The following RBFOX3 variants were observed in gnomAD, a reference collection of about 807,000 sequenced individuals.
The protein encoded by RBFOX3 is RNA binding protein fox-1 homolog 3.
In RBFOX3, 17 loss-of-function variants were observed where a neutral mutation model predicts 48.7. The ratio of observed to expected loss-of-function variants is 0.35; its 90% CI spans 0.24 to 0.52. The LOEUF is 0.52. Ranked by LOEUF, RBFOX3 falls within the 20% of genes least tolerant of loss-of-function variation. The pLI is 0.94. For missense variants in RBFOX3, 382 were observed against 497.5 expected, an observed-to-expected ratio of 0.77 and a Z score of 2.21; for synonymous variants, 212 against 209.5, an observed-to-expected ratio of 1.01 and a Z score of -0.10.
rs1311235767 is a variant in RBFOX3 at position 79,473,426 on chromosome 17, C to T, written c.-175+9028G>A. ...ACGATGATTCATATATATTTTGGGA[C>T]GAGAACCTCGGGTAAGATAACCTGC... is the stretch of plus-strand genomic sequence containing the variant. On this transcript the variant is annotated intron_variant, in intron 2 of 14. Transcript: ENST00000693108. This position sits in a 1 kb window ranked among gnomAD's most constrained non-coding sequence, Gnocchi z 4.2. Among the ~76,000 whole-genome samples, 4 of 152,304 alleles carry T rather than the reference C, an allele frequency of 2.6e-5. No individual in the cohort carries two copies. The highest frequency in any genetic ancestry group is 2.1e-4 in the South Asian group (1 of 4,822).
chr17:79,424,451 G>A (rs113359808), intron 2 of RBFOX3, among the ~76,000 whole-genome samples: 7,188 of 152,222 alleles, frequency 0.047, 202 homozygotes, highest in South Asian at 0.079. Context: ...CGCTCCCCCC[G>A]CAACTGAGCT....
At chr17:79,160,220 G>T (rs1189156472) in intron 4 of RBFOX3, among the ~76,000 whole-genome samples, 2 of 148,596 alleles carry the variant, frequency 1.3e-5, no homozygotes, top group African/African-American at 5.2e-5. Context: ...CCTCCCAGAC[G>T]TGGGGCGATG....
chr17:79,620,761 C>T, the RBFOX3 span, among the ~76,000 whole-genome samples: 1 of 152,194 alleles, frequency 6.6e-6, no homozygotes, highest in Non-Finnish European at 1.5e-5. Flanking sequence ...TGGAACCCCA[C>T]ATGATTCTCT....
intron 4 of RBFOX3, among the ~76,000 whole-genome samples, chr17:79,218,593 G>C (rs553495526): frequency 2.6e-5 from 4 of 152,156 alleles, no homozygotes; most frequent in Non-Finnish European, 5.9e-5. Flanking sequence ...CCTAACCAGA[G>C]ACGGAAGCCC....
intron 2 of RBFOX3, among the ~76,000 whole-genome samples, chr17:79,344,311 G>GA (rs1397200347): frequency 6.6e-6 from 1 of 152,100 alleles, no homozygotes; most frequent in Non-Finnish European, 1.5e-5. Context: ...TGGCATAAAT[G>GA]AAAAAATTCC....
chr17:79,296,303 CACCACACACACA>C (rs1567994795), intron 3 of RBFOX3, among the ~76,000 whole-genome samples: 1 of 144,086 alleles, frequency 6.9e-6, no homozygotes, highest in Non-Finnish European at 1.5e-5. Flanking sequence ...CACACACACA[CACCACACACACA>C]CACACACACA....
At chr17:79,662,011 T>C in the RBFOX3 span, among the ~76,000 whole-genome samples, 8 of 152,260 alleles carry the variant, frequency 5.3e-5, no homozygotes, top group East Asian at 1.5e-3. Context: ...TTTGTTAATA[T>C]TTCCCCTTGT....
At chr17:79,370,589 G>A (rs914408523) in intron 2 of RBFOX3, among the ~76,000 whole-genome samples, 3 of 147,318 alleles carry the variant, frequency 2.0e-5, no homozygotes, top group African/African-American at 5.1e-5. Context: ...GCACACACAC[G>A]TACACGTCTC....
At chr17:79,337,838 C>G (rs575924822) in intron 2 of RBFOX3, among the ~76,000 whole-genome samples, 107 of 152,230 alleles carry the variant, frequency 7.0e-4, no homozygotes, top group African/African-American at 2.4e-3. Flanking sequence ...TACACACACA[C>G]AGAGTTCTTA....
chr17:79,248,357 C>T (rs527785942), intron 3 of RBFOX3, among the ~76,000 whole-genome samples: 73 of 152,092 alleles, frequency 4.8e-4, no homozygotes, highest in African/African-American at 1.4e-3. Context: ...CTCAGCCTCC[C>T]GAGTAGCTGG....
chr17:79,207,862 G>A (rs985039327), intron 4 of RBFOX3, among the ~76,000 whole-genome samples: 4 of 152,124 alleles, frequency 2.6e-5, no homozygotes, highest in Non-Finnish European at 5.9e-5. Flanking sequence ...GCTCTTTTGC[G>A]GCCAGCCAGT....
Position 79,394,156 on chromosome 17 carries a change from C to T in RBFOX3, c.-174-86332G>A, listed in dbSNP as rs576286803. 3.3e-5 allele frequency among the ~76,000 whole-genome samples: 5 copies of T among 152,362 alleles called. No homozygotes were observed. In the East Asian group the frequency reaches 5.8e-4, roughly 18 times the overall value. On this transcript the variant is annotated intron_variant, in intron 2 of 14. Coordinates refer to ENST00000693108, the MANE Select transcript of RBFOX3 (RefSeq NM_001350451.2). ...CATCTGAGTTGGTCCCCGCGCACAT[C>T]ATCTGAATCGGTCATCACACACACA...
At position 79,473,049 on chromosome 17, in the gene RBFOX3, A is replaced by G. The variant is rs1279782853; in HGVS notation, c.-175+9405T>C. Among the ~76,000 whole-genome samples, 14 of 152,332 alleles carry G rather than the reference A, an allele frequency of 9.2e-5. No individual in the cohort carries two copies. Among genetic ancestry groups the G allele is most frequent in the Non-Finnish European group, 1.6e-4 (11 of 68,028 alleles). On this transcript the variant is annotated intron_variant, in intron 2 of 14. Transcript: ENST00000693108. The surrounding 1 kb of genome is among the most constrained non-coding windows in gnomAD (Gnocchi z 4.2). ...ACTTTTGGTTTTTAGAAAACCTATA[A>G]AAATAGAATCACTAGAAAAATGGAA... is the stretch of plus-strand genomic sequence containing the variant.
chr17:79,469,143 G>GA (rs34560473), intron 2 of RBFOX3, among the ~76,000 whole-genome samples: 45,461 of 151,908 alleles, frequency 0.3, 7,850 homozygotes, highest in African/African-American at 0.48. Context: ...AAAATGTAGG[G>GA]AAAAAACCCC....
intron 4 of RBFOX3, among the ~76,000 whole-genome samples, chr17:79,176,561 T>TCC (rs2050589929): frequency 6.6e-6 from 1 of 152,090 alleles, no homozygotes; most frequent in Non-Finnish European, 1.5e-5. Context: ...ACACAAGAAG[T>TCC]CGGAGTCAGT....
chr17:79,378,142 C>G (rs1568141001), intron 2 of RBFOX3, among the ~76,000 whole-genome samples: 4 of 152,122 alleles, frequency 2.6e-5, no homozygotes, highest in Admixed American at 2.6e-4. Flanking sequence ...GGGGGCGCAT[C>G]AGGGGTCCCA....
chr17:79,381,196 G>A (rs1034460351), intron 2 of RBFOX3, among the ~76,000 whole-genome samples: 3 of 151,732 alleles, frequency 2.0e-5, no homozygotes, highest in African/African-American at 7.3e-5. Context: ...GGAGGCGGAG[G>A]TTGCAATGAG....
chr17:79,138,709 ACACC>A (rs2040962113), intron 4 of RBFOX3, among the ~76,000 whole-genome samples: 4 of 48,284 alleles, frequency 8.3e-5, no homozygotes, highest in African/African-American at 1.2e-4. Context: ...ACATGCGTTC[ACACC>A]CCCTCACCCA....
the RBFOX3 span, among the ~76,000 whole-genome samples, chr17:79,644,680 CAT>C: frequency 6.6e-6 from 1 of 152,166 alleles, no homozygotes; most frequent in Non-Finnish European, 1.5e-5. Flanking sequence ...GGTTTAATAA[CAT>C]GTGAACGAAG....
Sources: gnomAD v4.1 joint callset for allele counts (sites outside exome capture counted in the v4.1 genomes callset) on GRCh38, gnomAD v4.1.1 for gene constraint, Gnocchi (gnomAD v3.1) non-coding constraint, MANE v1.5 for transcripts, NCBI Gene and HGNC (gene_info 2026-07-23, HGNC 2026-07-21) for gene names.